The following SLC35F1 variants were observed in gnomAD, a reference collection of about 807,000 sequenced individuals.
SLC35F1 encodes the protein solute carrier family 35 member F1.
SLC35F1 carries 14 observed loss-of-function variants against 48.7 expected under a neutral mutation model. The ratio of observed to expected loss-of-function variants is 0.29; its 90% CI spans 0.19 to 0.45. SLC35F1 has a LOEUF of 0.45. SLC35F1 is among the 20% of genes least tolerant of loss of function. SLC35F1 has a pLI of 1.00. For synonymous variants in SLC35F1, 190 were observed against 202.2 expected, an observed-to-expected ratio of 0.94 and a Z score of 0.51; for missense variants, 404 against 500.0, an observed-to-expected ratio of 0.81 and a Z score of 1.83.
intron 1 of SLC35F1, among the ~76,000 whole-genome samples, chr6:117,923,869 T>C (rs1481009338): frequency 2.1e-5 from 3 of 141,932 alleles, no homozygotes; most frequent in African/African-American, 8.0e-5. Context: ...TGTGTGTACA[T>C]ATATACATAT....
chr6:118,102,316 T>C (rs1017710971), intron 1 of SLC35F1, among the ~76,000 whole-genome samples: 3 of 152,160 alleles, frequency 2.0e-5, no homozygotes, highest in Non-Finnish European at 4.4e-5. Flanking sequence ...CCCGAGTAGC[T>C]GGGACTACAA....
chr6:118,231,342 A>C (rs535020752), intron 2 of SLC35F1, among the ~76,000 whole-genome samples: 108 of 152,204 alleles, frequency 7.1e-4, no homozygotes, highest in Non-Finnish European at 1.2e-3. Flanking sequence ...AAACATTAGC[A>C]TATTACCAGC....
At chr6:118,168,524 T>G (rs1444894760) in intron 2 of SLC35F1, among the ~76,000 whole-genome samples, 1 of 152,200 alleles carries the variant, frequency 6.6e-6, no homozygotes, top group Non-Finnish European at 1.5e-5. Context: ...TACCTTATTG[T>G]ACTGTACTCA....
At chr6:118,051,400 G>C (rs1472276727) in intron 1 of SLC35F1, among the ~76,000 whole-genome samples, 1 of 151,812 alleles carries the variant, frequency 6.6e-6, no homozygotes, top group African/African-American at 2.4e-5. Flanking sequence ...TGAATAATTG[G>C]GTAATTTTCT....
chr6:118,168,871 C>T (rs1052360090), intron 2 of SLC35F1, among the ~76,000 whole-genome samples: 1 of 152,104 alleles, frequency 6.6e-6, no homozygotes, highest in Non-Finnish European at 1.5e-5. Context: ...AGTGAAAACA[C>T]GGTGGAAGAT....
chr6:118,202,797 G>A (rs76347354), intron 2 of SLC35F1, among the ~76,000 whole-genome samples: 4,012 of 152,294 alleles, frequency 0.026, 71 homozygotes, highest in Non-Finnish European at 0.036. Context: ...AGAGTAGCTG[G>A]GCAAATGTGG....
chr6:118,133,050 G>A (rs1030085902), intron 1 of SLC35F1, among the ~76,000 whole-genome samples: 4 of 152,164 alleles, frequency 2.6e-5, no homozygotes, highest in Non-Finnish European at 5.9e-5. Context: ...GCATCTTGAT[G>A]TGAGATGTGT....
At chr6:117,934,997 C>A (rs1327541288) in intron 1 of SLC35F1, among the ~76,000 whole-genome samples, 2 of 152,190 alleles carry the variant, frequency 1.3e-5, no homozygotes, top group Non-Finnish European at 2.9e-5. Context: ...ATCCCAGCTC[C>A]TCTGAATGCT....
chr6:118,047,979 T>G (rs1030636316), intron 1 of SLC35F1, among the ~76,000 whole-genome samples: 5 of 152,170 alleles, frequency 3.3e-5, no homozygotes, highest in African/African-American at 1.2e-4. Flanking sequence ...AGGGAATGCT[T>G]CCAGTTTTTG....
intron 1 of SLC35F1, among the ~76,000 whole-genome samples, chr6:118,031,186 C>A (rs2114892958): frequency 6.6e-6 from 1 of 152,140 alleles, no homozygotes; most frequent in African/African-American, 2.4e-5. Flanking sequence ...TTGGAATGGA[C>A]CTGTTCACTC....
At chr6:118,210,630 T>C (rs1189190719) in intron 2 of SLC35F1, among the ~76,000 whole-genome samples, 2 of 152,202 alleles carry the variant, frequency 1.3e-5, no homozygotes, top group South Asian at 4.1e-4. Flanking sequence ...CTTGTGATTA[T>C]TTAAGACATC....
chr6:118,124,770 G>A (rs1773600381), intron 1 of SLC35F1, among the ~76,000 whole-genome samples: 1 of 151,928 alleles, frequency 6.6e-6, no homozygotes, highest in South Asian at 2.1e-4. Context: ...TTCATCTCAG[G>A]AACACTTCAG....
At chr6:118,306,020 A>G (rs1208499283) in intron 7 of SLC35F1, among the ~76,000 whole-genome samples, 1 of 152,186 alleles carries the variant, frequency 6.6e-6, no homozygotes, top group Non-Finnish European at 1.5e-5. Context: ...GAGATGCCCT[A>G]AAGGACCTCC....
intron 1 of SLC35F1, among the ~76,000 whole-genome samples, chr6:118,118,300 T>A (rs1773501270): frequency 6.6e-6 from 1 of 152,202 alleles, no homozygotes; most frequent in Non-Finnish European, 1.5e-5. Context: ...ATTTATTGTG[T>A]TTGAATAATA....
intron 1 of SLC35F1, among the ~76,000 whole-genome samples, chr6:118,088,316 A>G (rs1370394849): frequency 1.3e-5 from 2 of 152,182 alleles, no homozygotes; most frequent in African/African-American, 4.8e-5. Context: ...ATTTGTAAGT[A>G]TTTCCATCCC....
intron 1 of SLC35F1, among the ~76,000 whole-genome samples, chr6:118,007,506 C>T (rs889261103): frequency 4.6e-5 from 7 of 152,154 alleles, no homozygotes; most frequent in East Asian, 3.9e-4. Context: ...TGTGATGGCT[C>T]ATGTTCCAAG....
chr6:118,153,256 A>T (rs1774089774), intron 1 of SLC35F1, among the ~76,000 whole-genome samples: 1 of 142,410 alleles, frequency 7.0e-6, no homozygotes, highest in Non-Finnish European at 1.5e-5. Context: ...CTAGAGTGAT[A>T]TAGTTAACAA....
At chr6:118,248,319 G>A (rs1017451194) in intron 3 of SLC35F1, among the ~76,000 whole-genome samples, 8 of 152,168 alleles carry the variant, frequency 5.3e-5, no homozygotes, top group African/African-American at 1.7e-4. Flanking sequence ...AGAAGTCGAT[G>A]TTCTGATCCC....
chr6:118,285,075 C>T (rs1365821566), intron 6 of SLC35F1, 109 bp from the exon 7 acceptor site: 1 of 1,163,140 alleles, frequency 8.6e-7, no homozygotes, highest in African/African-American at 1.5e-5. Context: ...GAGAAACTGC[C>T]TTGTGTGAGT....
Sources: gnomAD v4.1 joint callset for allele counts (sites outside exome capture counted in the v4.1 genomes callset) on GRCh38, gnomAD v4.1.1 for gene constraint, MANE v1.5 for transcripts, NCBI Gene and HGNC (gene_info 2026-07-23, HGNC 2026-07-21) for gene names.